The following FRAS1 variants were observed in gnomAD, a reference collection of about 807,000 sequenced individuals.
FRAS1 encodes the protein extracellular matrix organizing protein FRAS1.
FRAS1 carries 290 observed loss-of-function variants against 435.2 expected under a neutral mutation model. The observed-to-expected ratio is 0.67, with a 90% confidence interval of 0.61 to 0.73. FRAS1 has a LOEUF of 0.73. FRAS1 is among the 30% of genes least tolerant of loss of function. FRAS1 has a pLI of 0.00. For synonymous variants in FRAS1, 1,800 were observed against 1,851.0 expected, an observed-to-expected ratio of 0.97 and a Z score of 0.71; for missense variants, 4,860 against 5,001.5, an observed-to-expected ratio of 0.97 and a Z score of 0.85.
rs1261796610 is a variant in FRAS1 at position 78,110,287 on chromosome 4, C to T, written c.108+44271C>T. Among the ~76,000 whole-genome samples, 68 of 116,220 alleles carry T rather than the reference C, an allele frequency of 5.9e-4. 1 individual carries two copies. The highest frequency in any genetic ancestry group is 2.2e-3 in the African/African-American group (62 of 27,610). 76.2% of individuals were successfully genotyped at this position (116,220 alleles called of 152,430 possible). ...TATGGAACCAAAAAAGAGCCCGCATCGCCAAGTCAATCCTAAGCCAAAAGA... is the reference window on the plus strand; with the variant it reads ...TATGGAACCAAAAAAGAGCCCGCATTGCCAAGTCAATCCTAAGCCAAAAGA... On this transcript the variant is annotated intron_variant, in intron 2 of 73. Coordinates refer to ENST00000512123, the MANE Select transcript of FRAS1 (RefSeq NM_025074.7).
intron 25 of FRAS1, among the ~76,000 whole-genome samples, chr4:78,374,930 C>T (rs898770315): frequency 1.3e-5 from 2 of 152,112 alleles, no homozygotes; most frequent in African/African-American, 4.8e-5. Flanking sequence ...CACTATGAAT[C>T]CTGTCTTACA....
intron 26 of FRAS1, among the ~76,000 whole-genome samples, chr4:78,377,899 A>G (rs533989412): frequency 2.2e-4 from 33 of 152,292 alleles, no homozygotes; most frequent in African/African-American, 7.2e-4. Context: ...AAAGATCCCT[A>G]TATGATTCTT....
chr4:78,461,926 C>T (rs1719378114), intron 47 of FRAS1, among the ~76,000 whole-genome samples: 1 of 151,918 alleles, frequency 6.6e-6, no homozygotes, highest in South Asian at 2.1e-4. Flanking sequence ...CATCAGAAAG[C>T]GATTCATTGG....
rs182559804 is a variant in FRAS1, at chr4:78,090,461, T to C, written c.108+24445T>C. Among the ~76,000 whole-genome samples the C allele has an allele frequency of 5.9e-5, 9 of 152,308 alleles. No homozygotes were observed. The East Asian group carries it at 1.7e-3, about 29-fold the overall frequency. Reference sequence around the variant, plus strand: ...TTTTCTATTGATTTTTTTTGCCTTATTTTCAGAACCTGACTTACAAATTAC... The same window carrying C: ...TTTTCTATTGATTTTTTTTGCCTTACTTTCAGAACCTGACTTACAAATTAC... On this transcript the variant is annotated intron_variant, in intron 2 of 73. Coordinates refer to ENST00000512123, the MANE Select transcript of FRAS1 (RefSeq NM_025074.7).
At chr4:78,140,684 C>CGT (rs1553923700) in intron 2 of FRAS1, among the ~76,000 whole-genome samples, 13 of 138,234 alleles carry the variant, frequency 9.4e-5, no homozygotes, top group East Asian at 2.0e-4. Flanking sequence ...TATGTATATG[C>CGT]ATATACATAT....
At chr4:78,361,409 T>C (rs1166797908) in intron 20 of FRAS1, among the ~76,000 whole-genome samples, 1 of 152,228 alleles carries the variant, frequency 6.6e-6, no homozygotes, top group East Asian at 1.9e-4. Flanking sequence ...TTCCTAATAT[T>C]AGCAAAAGGC....
chr4:78,088,397 G>A (rs1741319135), intron 2 of FRAS1, among the ~76,000 whole-genome samples: 1 of 152,012 alleles, frequency 6.6e-6, no homozygotes, highest in South Asian at 2.1e-4. Context: ...AACACCAAAA[G>A]CAATGGCCAC....
chr4:78,486,873 A>AG (rs955720789), intron 58 of FRAS1, among the ~76,000 whole-genome samples: 1 of 140,900 alleles, frequency 7.1e-6, no homozygotes, highest in African/African-American at 2.6e-5. Context: ...TAGAAGTGAG[A>AG]GTGAATGTCT....
chr4:78,079,592 G>T (rs1439765597), intron 2 of FRAS1, among the ~76,000 whole-genome samples: 1 of 152,162 alleles, frequency 6.6e-6, no homozygotes, highest in Admixed American at 6.6e-5. Flanking sequence ...GCGTTCACAT[G>T]ATGTCAACAT....
At chr4:78,092,074 G>T (rs1741556870) in intron 2 of FRAS1, among the ~76,000 whole-genome samples, 1 of 151,806 alleles carries the variant, frequency 6.6e-6, no homozygotes, top group South Asian at 2.1e-4. Context: ...TTCCCTGGCT[G>T]GTGGTTCTGG....
intron 29 of FRAS1, among the ~76,000 whole-genome samples, chr4:78,400,159 C>CTACTTAG (rs1732824915): frequency 1.3e-5 from 2 of 152,140 alleles, no homozygotes; most frequent in African/African-American, 4.8e-5. Context: ...CTTAGAAATC[C>CTACTTAG]AATTTTTTTG....
Position 78,415,706 on chromosome 4 carries a change from A to G in FRAS1, c.4425+2621A>G, listed in dbSNP as rs115478101. On this transcript the variant is annotated intron_variant, in intron 32 of 73. Coordinates refer to ENST00000512123, the MANE Select transcript of FRAS1 (RefSeq NM_025074.7). ...CGCAGTAAGAAATGAGAGTCAGATCATGGAAGACCTTAAGTATAAGATAAG... is the reference window on the plus strand; with the variant it reads ...CGCAGTAAGAAATGAGAGTCAGATCGTGGAAGACCTTAAGTATAAGATAAG... Among the ~76,000 whole-genome samples the G allele has an allele frequency of 4.0e-3, 603 of 152,380 alleles. 3 individuals carry two copies. The highest frequency in any genetic ancestry group is 0.014 in the African/African-American group (567 of 41,594).
At chr4:78,091,259 T>A (rs1420499065) in intron 2 of FRAS1, among the ~76,000 whole-genome samples, 2 of 152,186 alleles carry the variant, frequency 1.3e-5, no homozygotes, top group Non-Finnish European at 2.9e-5. Context: ...TTTTGGTATT[T>A]CTTCTGCCAC....
At chr4:78,226,746 T>C (rs1213217644) in intron 2 of FRAS1, among the ~76,000 whole-genome samples, 1 of 152,100 alleles carries the variant, frequency 6.6e-6, no homozygotes, top group East Asian at 1.9e-4. Flanking sequence ...TGGAAAATTC[T>C]TGGCCATATT....
At chr4:78,253,157 T>C (rs2110134448) in intron 5 of FRAS1, among the ~76,000 whole-genome samples, 1 of 152,234 alleles carries the variant, frequency 6.6e-6, no homozygotes, top group South Asian at 2.1e-4. Flanking sequence ...GCTGGGAAAA[T>C]AATTCAGCGA....
chr4:78,452,185 C>T lies in FRAS1; in HGVS notation c.6594C>T (p.Ser2198=). ...TTCTGATATTTTCAGAAGACAAATCCCCACCAGTCATCACCACCAATAAAG... is the reference window on the plus strand; with the variant it reads ...TTCTGATATTTTCAGAAGACAAATCTCCACCAGTCATCACCACCAATAAAG... ...SFSISILEDK[S]PPVITTNKGL... The change falls in exon 47 of 74, where the codon TCC becomes TCT. Residue 2198 remains serine (S), a synonymous_variant. Transcript: ENST00000512123. 1.2e-6 allele frequency: 2 copies of T among 1,613,450 alleles called. No individual in the cohort carries two copies. Among genetic ancestry groups the T allele is most frequent in the East Asian group, 2.2e-5 (1 of 44,870 alleles).
intron 59 of FRAS1, among the ~76,000 whole-genome samples, chr4:78,494,732 A>G (rs1357525058): frequency 6.6e-6 from 1 of 152,156 alleles, no homozygotes; most frequent in Non-Finnish European, 1.5e-5. Context: ...TCTCAGCAAG[A>G]GACAGTGAAG....
At chr4:78,449,641 G>A (rs1718959189) in intron 44 of FRAS1, among the ~76,000 whole-genome samples, 2 of 152,136 alleles carry the variant, frequency 1.3e-5, no homozygotes, top group Admixed American at 1.3e-4. Flanking sequence ...AGGGCCCAGA[G>A]GCTCAGATCT....
intron 1 of FRAS1, among the ~76,000 whole-genome samples, chr4:78,060,701 T>C (rs1368059777): frequency 6.6e-6 from 1 of 152,208 alleles, no homozygotes. Flanking sequence ...CTCTTTGCGC[T>C]ATAGTTCTGT....
Sources: allele counts gnomAD v4.1 joint callset (sites outside exome capture counted in the v4.1 genomes callset), GRCh38; gene constraint gnomAD v4.1.1; transcripts MANE v1.5; gene names NCBI Gene and HGNC (gene_info 2026-07-23, HGNC 2026-07-21).